The following ARHGEF4 variants were observed in gnomAD, a reference collection of about 807,000 sequenced individuals.
The protein encoded by ARHGEF4 is APC-stimulated guanine nucleotide exchange factor 1.
ARHGEF4 carries 119 observed loss-of-function variants against 162.0 expected under a neutral mutation model. The ratio of observed to expected loss-of-function variants is 0.73; its 90% confidence interval spans 0.63 to 0.86. The LOEUF (loss-of-function observed/expected upper bound fraction) is 0.86, where lower values mean the gene tolerates loss of function less well. ARHGEF4 is among the 40% of genes least tolerant of loss of function. The pLI is 0.00. For missense variants in ARHGEF4, 2,488 were observed against 2,456.0 expected, an observed-to-expected ratio of 1.01 and a Z score of -0.28; for synonymous variants, 1,014 against 979.9, an observed-to-expected ratio of 1.03 and a Z score of -0.65.
chr2:130,996,638 C>T (rs560979547), intron 4 of ARHGEF4, among the ~76,000 whole-genome samples: 1 of 152,264 alleles, frequency 6.6e-6, no homozygotes, highest in East Asian at 1.9e-4. Context: ...TAAACTGTGT[C>T]AGAATTTTGG....
Position 130,915,514 on chromosome 2 carries a change from A to G in ARHGEF4, c.1568A>G (p.Lys523Arg), listed in dbSNP as rs1681426620. 9 of 1,550,586 alleles carry G rather than the reference A, an allele frequency of 5.8e-6. No individual in the cohort carries two copies. The highest frequency in any genetic ancestry group is 7.8e-6 in the Non-Finnish European group (9 of 1,146,996). The stretch of plus-strand genomic sequence containing the variant: ...GAAAGCAAGTCACCTACCAGGGCCA[A>G]GTTCCCACGGCAGCCTAGCAGTGAG... ...SEESKSPTRA[K>R]FPRQPSSEGT... The change falls in exon 2 of 14, where the codon AAG becomes AGG. Residue 523 changes from lysine (K) to arginine (R), a missense_variant. Physicochemically the swap from Lys to Arg is conservative, Grantham distance 26. Transcript: ENST00000409359.
chr2:131,040,900 C>T (rs772490308), intron 8 of ARHGEF4, among the ~76,000 whole-genome samples: 5 of 152,048 alleles, frequency 3.3e-5, no homozygotes, highest in Non-Finnish European at 5.9e-5. Context: ...CTTGGGCAGT[C>T]GAGCGAGGGT....
rs138956574 is a variant in ARHGEF4, at chr2:130,954,204, C to T, written c.3985+7569C>T. Reference sequence around the variant, plus strand: ...TTAAGAAAATGTGGCATATATACACCGTGGAATACTATGGAGCCATAAAAA... The same window carrying T: ...TTAAGAAAATGTGGCATATATACACTGTGGAATACTATGGAGCCATAAAAA... On this transcript the variant is annotated intron_variant, in intron 4 of 13. Transcript: ENST00000409359. Among the ~76,000 whole-genome samples the T allele has an allele frequency of 7.5e-3, 1,141 of 152,254 alleles. 17 individuals are homozygous for T. The highest frequency in any genetic ancestry group is 0.025 in the African/African-American group (1,055 of 41,556).
At chr2:130,944,433 A>G (rs1313124509) in intron 3 of ARHGEF4, among the ~76,000 whole-genome samples, 1 of 152,160 alleles carries the variant, frequency 6.6e-6, no homozygotes, top group African/African-American at 2.4e-5. Flanking sequence ...ACAGGTCCCT[A>G]AAGTTCTATT....
rs1690677671 is a variant in ARHGEF4, at chr2:131,040,178, C to G, written c.4468C>G (p.Arg1490Gly). ...STERDYIKHL[R>G]DICEGYVRQC... is the part of the protein sequence containing the mutation. ...TGAGCGGGACTACATCAAGCACCTG[C>G]GCGACATCTGCGAGGTGAGGCCCGG... The change falls in exon 7 of 14, where the codon CGC becomes GGC. Residue 1490 changes from arginine to glycine, a missense_variant. Arg to Gly is a moderately radical substitution (Grantham distance 125). Coordinates refer to ENST00000409359, the MANE Select transcript of ARHGEF4 (RefSeq NM_001367493.1). The G allele has an allele frequency of 6.2e-7, 1 of 1,610,640 alleles. No homozygotes were observed. Among genetic ancestry groups the G allele is most frequent in the Non-Finnish European group, 8.5e-7 (1 of 1,177,826 alleles).
intron 3 of ARHGEF4, among the ~76,000 whole-genome samples, chr2:130,935,716 T>C (rs1682903614): frequency 6.6e-6 from 1 of 152,228 alleles, no homozygotes; most frequent in Non-Finnish European, 1.5e-5. Context: ...ATTCTCCTAT[T>C]GACATCTAGT....
intron 2 of ARHGEF4, among the ~76,000 whole-genome samples, chr2:130,930,074 T>C (rs1162188273): frequency 6.6e-6 from 1 of 152,114 alleles, no homozygotes; most frequent in African/African-American, 2.4e-5. Context: ...TTTGTATTTT[T>C]AGTAGAGACG....
chr2:131,012,991 A>T (rs755003257), intron 4 of ARHGEF4, among the ~76,000 whole-genome samples: 4 of 152,236 alleles, frequency 2.6e-5, no homozygotes, highest in Non-Finnish European at 4.4e-5. Context: ...CCACACCTTC[A>T]AGATCCAGGA....
chr2:130,912,087 G>A (rs565105345), intron 1 of ARHGEF4, among the ~76,000 whole-genome samples: 2 of 152,374 alleles, frequency 1.3e-5, no homozygotes, highest in African/African-American at 4.8e-5. Flanking sequence ...TCACTGAGCT[G>A]AGCACCCTGC....
At chr2:130,845,353 T>G (rs1298283686) in intron 1 of ARHGEF4, among the ~76,000 whole-genome samples, 1 of 151,902 alleles carries the variant, frequency 6.6e-6, no homozygotes, top group Non-Finnish European at 1.5e-5. Flanking sequence ...AAAAATGTTT[T>G]TAAAAAAATT....
intron 4 of ARHGEF4, among the ~76,000 whole-genome samples, chr2:130,990,495 T>TGATGAG (rs1373763936): frequency 3.4e-4 from 52 of 152,256 alleles, no homozygotes; most frequent in Admixed American, 2.9e-3. Flanking sequence ...ACTTCCCAGT[T>TGATGAG]CTGCAGGATG....
chr2:131,039,132 G>A, intron 6 of ARHGEF4, 100 bp downstream of exon 6: 1 of 1,398,212 alleles, frequency 7.2e-7, no homozygotes, highest in Non-Finnish European at 9.5e-7. Flanking sequence ...CATCCTAGGT[G>A]CAGAGCACTG....
intron 4 of ARHGEF4, among the ~76,000 whole-genome samples, chr2:130,982,768 C>G (rs1217267642): frequency 1.3e-5 from 2 of 152,182 alleles, no homozygotes; most frequent in Non-Finnish European, 2.9e-5. Context: ...CCCTTACTTA[C>G]TGATTCCTAC....
intron 4 of ARHGEF4, among the ~76,000 whole-genome samples, chr2:130,993,726 C>T (rs892068928): frequency 2.0e-5 from 3 of 152,016 alleles, no homozygotes; most frequent in African/African-American, 7.3e-5. Context: ...GCTATTCTAG[C>T]TTTGTTTTGG....
intron 1 of ARHGEF4, among the ~76,000 whole-genome samples, chr2:130,873,849 A>G (rs1678650139): frequency 6.6e-6 from 1 of 152,202 alleles, no homozygotes; most frequent in East Asian, 1.9e-4. Context: ...GATTTCATCC[A>G]GGCCGCTTTG....
intron 1 of ARHGEF4, among the ~76,000 whole-genome samples, chr2:130,877,879 T>C (rs1409320643): frequency 6.6e-6 from 1 of 152,180 alleles, no homozygotes; most frequent in Non-Finnish European, 1.5e-5. Flanking sequence ...ATTTTGACTG[T>C]TTGCTTTAAC....
chr2:131,035,038 C>A, intron 5 of ARHGEF4: 1 of 991,994 alleles, frequency 1.0e-6, no homozygotes. Flanking sequence ...GGGCCACCGG[C>A]TCGGCCCTGT....
At chr2:130,990,984 G>T (rs1370235236) in intron 4 of ARHGEF4, among the ~76,000 whole-genome samples, 2 of 152,182 alleles carry the variant, frequency 1.3e-5, no homozygotes, top group African/African-American at 4.8e-5. Context: ...TCTAAAATTT[G>T]GTTCCTATTT....
chr2:130,993,467 GAATTTCATTTAGGTCA>G (rs1436934979), intron 4 of ARHGEF4, among the ~76,000 whole-genome samples: 1 of 152,048 alleles, frequency 6.6e-6, no homozygotes, highest in Non-Finnish European at 1.5e-5. Flanking sequence ...GTTGGGTGCA[GAATTTCATTTAGGTCA>G]AATCTCTCTG....
Sources: gnomAD v4.1 joint callset for allele counts (sites outside exome capture counted in the v4.1 genomes callset) on GRCh38, gnomAD v4.1.1 for gene constraint, MANE v1.5 for transcripts, NCBI Gene and HGNC (gene_info 2026-07-23, HGNC 2026-07-21) for gene names.